ARSJ: variants seen among roughly 807,000 people sequenced by gnomAD.
The protein encoded by ARSJ is arylsulfatase family member J.
ARSJ carries 26 observed loss-of-function variants against 35.9 expected under a neutral mutation model. That is an observed-to-expected ratio of 0.72 (90% CI 0.53 to 1.00). The LOEUF is 1.00. ARSJ is among the 50% of genes least tolerant of loss of function. The probability of loss-of-function intolerance (pLI) is 0.00; values close to 1 mark genes in which losing one functional copy is unlikely to be tolerated. For synonymous variants in ARSJ, 294 were observed against 267.6 expected (o/e 1.10, Z -0.96); for missense variants, 667 against 723.6 (o/e 0.92, Z 0.90).
intron 1 of ARSJ, among the ~76,000 whole-genome samples, chr4:113,958,898 C>A (rs1022943274): frequency 6.6e-6 from 1 of 151,970 alleles, no homozygotes; most frequent in African/African-American, 2.4e-5. Context: ...TAAATTGCCA[C>A]ATTTCTCTTT....
At position 113,903,236 on chromosome 4, in the gene ARSJ, C is replaced by G. The variant is rs200459738; in HGVS notation, c.838G>C (p.Glu280Gln). ...SPLQAPGRYF[E>Q]HYRSIININR... ...ATGTTGATAATGGATCGGTAGTGTT[C>G]GAAATACCTGCCAGGAGCTTGCAGT... The change falls in exon 2 of 2, where the codon GAA becomes CAA. Residue 280 changes from glutamate to glutamine, a missense_variant. Glu to Gln is a conservative substitution (Grantham distance 29, BLOSUM62 2). Transcript: ENST00000315366. 1.4e-4 allele frequency: 228 copies of G among 1,613,956 alleles called. No homozygotes were observed. Among genetic ancestry groups the G allele is most frequent in the Non-Finnish European group, 1.9e-4 (220 of 1,180,034 alleles).
rs547946777 is a variant in ARSJ at position 113,907,132 on chromosome 4, A to T, written c.399-3457T>A. On this transcript the variant is annotated intron_variant, in intron 1 of 1. Transcript: ENST00000315366. ...GAGTTAATATCAGTACTTTTTGAAA[A>T]ATCAAGGAGCAGAGGAAAGATGCCA... Among the ~76,000 whole-genome samples, 79 of 152,282 alleles carry T rather than the reference A, an allele frequency of 5.2e-4. 1 individual carries two copies. The highest frequency in any genetic ancestry group is 6.8e-3 in the Middle Eastern group (2 of 294).
intron 1 of ARSJ, chr4:113,970,971 A>AT (rs201519484): frequency 6.6e-6 from 1 of 152,166 alleles, no homozygotes; most frequent in Non-Finnish European, 1.5e-5. Context: ...CAGTAAAAAA[A>AT]TAAAAATAAA....
intron 1 of ARSJ, among the ~76,000 whole-genome samples, chr4:113,940,605 T>C (rs1725091216): frequency 6.7e-6 from 1 of 150,304 alleles, no homozygotes; most frequent in Non-Finnish European, 1.5e-5. Context: ...ACGTTACCTA[T>C]GTAACAAATC....
At position 113,902,672 on chromosome 4, in the gene ARSJ, G is replaced by GGACC; in HGVS notation, c.1398_1401dup (p.Pro468GlyfsTer17). ...CCCAGGTTGCTGAAAGACTGAGGGG[G>GGACC]GACCCAGTCGCTGTAGCCAGGATTT... On this transcript the variant is annotated frameshift_variant, in exon 2 of 2. Coordinates refer to ENST00000315366, the MANE Select transcript of ARSJ (RefSeq NM_024590.4). LOFTEE classifies it high-confidence loss of function. 6.2e-7 allele frequency: 1 copy of GGACC among 1,614,170 alleles called. No individual in the cohort carries two copies. The highest frequency in any genetic ancestry group is 8.5e-7 in the Non-Finnish European group (1 of 1,180,026).
At chr4:113,962,406 G>T (rs1413984305) in intron 1 of ARSJ, among the ~76,000 whole-genome samples, 1 of 151,846 alleles carries the variant, frequency 6.6e-6, no homozygotes, top group Non-Finnish European at 1.5e-5. Context: ...ATTATTTATT[G>T]GTAGGCTTTG....
rs779040824 is a variant in ARSJ at position 113,902,465 on chromosome 4, G to A, written c.1609C>T (p.Pro537Ser). ...CTAGGGTTACTTCTGGGGTCTTTGGGGGGATACCTGACCGGCACTGCAGTT... is the reference window on the plus strand; with the variant it reads ...CTAGGGTTACTTCTGGGGTCTTTGGAGGGATACCTGACCGGCACTGCAGTT... Reference protein sequence around the residue: ...NKTAVPVRYPPKDPRSNPRLN... With the variant: ...NKTAVPVRYPSKDPRSNPRLN... Residue 537 changes from proline (P) to serine (S), a missense_variant, in exon 2 of 2, where the codon CCC (proline) becomes TCC (serine). By Grantham distance (74) the Pro-to-Ser change is moderately conservative. Coordinates refer to ENST00000315366, the MANE Select transcript of ARSJ (RefSeq NM_024590.4). 1 of 1,614,058 alleles carries A rather than the reference G, an allele frequency of 6.2e-7. No individual in the cohort carries two copies. The highest frequency in any genetic ancestry group is 1.1e-5 in the South Asian group (1 of 91,074).
At chr4:113,953,736 A>G (rs1726001496) in intron 1 of ARSJ, among the ~76,000 whole-genome samples, 1 of 152,070 alleles carries the variant, frequency 6.6e-6, no homozygotes, top group South Asian at 2.1e-4. Context: ...AGCCAATATT[A>G]GGTGAACAGG....
rs565524943 is a variant in ARSJ at position 113,906,685 on chromosome 4, C to T, written c.399-3010G>A. 2.1e-4 allele frequency: 94 copies of T among 453,806 alleles called. 1 individual carries two copies. The highest frequency in any genetic ancestry group is 1.5e-3 in the African/African-American group (77 of 50,058). The allele number at this position is 453,806 out of a possible 1,614,324, so 28.1% of individuals were successfully genotyped here. On this transcript the variant is annotated intron_variant, in intron 1 of 1. Coordinates refer to ENST00000315366, the MANE Select transcript of ARSJ (RefSeq NM_024590.4). ...CAGACCTGGGTTTGAATTTGCTCCACTGCTTATTACCTGTATGGTTTTGGG... is the reference window on the plus strand; with the variant it reads ...CAGACCTGGGTTTGAATTTGCTCCATTGCTTATTACCTGTATGGTTTTGGG...
chr4:113,918,431 T>C (rs1382693714), intron 1 of ARSJ, among the ~76,000 whole-genome samples: 3 of 152,190 alleles, frequency 2.0e-5, no homozygotes, highest in Non-Finnish European at 4.4e-5. Flanking sequence ...TTTTTGAAAA[T>C]TCTCAGTTTT....
chr4:113,978,371 A>C, intron 1 of ARSJ, 66 bp downstream of exon 1: 1 of 1,426,238 alleles, frequency 7.0e-7, no homozygotes, highest in South Asian at 1.4e-5. Flanking sequence ...TTAAATTTGG[A>C]GCTGGATCTT....
intron 1 of ARSJ, among the ~76,000 whole-genome samples, chr4:113,973,791 C>A (rs1017746630): frequency 6.6e-6 from 1 of 152,180 alleles, no homozygotes; most frequent in South Asian, 2.1e-4. Flanking sequence ...TACATCTATA[C>A]TCTCTCTTCT....
intron 1 of ARSJ, among the ~76,000 whole-genome samples, chr4:113,949,291 C>A (rs1384053843): frequency 6.6e-6 from 1 of 152,026 alleles, no homozygotes. Context: ...CCTAATGTAA[C>A]AAACCTGAAC....
At chr4:113,950,114 T>G (rs777136197) in intron 1 of ARSJ, among the ~76,000 whole-genome samples, 2 of 152,044 alleles carry the variant, frequency 1.3e-5, no homozygotes, top group Non-Finnish European at 2.9e-5. Context: ...GAAGTTCTAA[T>G]AAAATGTACT....
At chr4:113,942,491 C>T (rs762965085) in intron 1 of ARSJ, among the ~76,000 whole-genome samples, 20 of 152,040 alleles carry the variant, frequency 1.3e-4, no homozygotes, top group Admixed American at 5.3e-4. Context: ...AACAATATCA[C>T]TCCTAGGACT....
chr4:113,930,575 A>G (rs1215535860), intron 1 of ARSJ, among the ~76,000 whole-genome samples: 1 of 152,168 alleles, frequency 6.6e-6, no homozygotes, highest in African/African-American at 2.4e-5. Flanking sequence ...CTCTTAGTAA[A>G]TTATTATAGC....
chr4:113,915,768 A>G (rs966260764), intron 1 of ARSJ, among the ~76,000 whole-genome samples: 4 of 152,244 alleles, frequency 2.6e-5, no homozygotes, highest in Non-Finnish European at 4.4e-5. Context: ...CATCTGCTGC[A>G]GGTAAAATAC....
intron 1 of ARSJ, among the ~76,000 whole-genome samples, chr4:113,940,964 C>A (rs765333277): frequency 6.6e-6 from 1 of 151,914 alleles, no homozygotes; most frequent in African/African-American, 2.4e-5. Context: ...AATGTCCTCT[C>A]TGAAGTAAAC....
intron 1 of ARSJ, among the ~76,000 whole-genome samples, chr4:113,910,281 A>C (rs892015931): frequency 6.6e-6 from 1 of 152,196 alleles, no homozygotes; most frequent in Non-Finnish European, 1.5e-5. Flanking sequence ...GCTGGATACT[A>C]TAGTCTATGA....
Sources: allele counts gnomAD v4.1 joint callset (sites outside exome capture counted in the v4.1 genomes callset), GRCh38; gene constraint gnomAD v4.1.1; transcripts MANE v1.5; gene names NCBI Gene and HGNC (gene_info 2026-07-23, HGNC 2026-07-21).